The following VAX2 variants were observed in gnomAD, a reference collection of about 807,000 sequenced individuals.
The protein encoded by VAX2 is ventral anterior homeobox 2.
In VAX2, 8 loss-of-function variants were observed where a neutral mutation model predicts 12.5. The ratio of observed to expected loss-of-function variants is 0.64; its 90% CI spans 0.37 to 1.15. VAX2 has a LOEUF of 1.15. Ranked by LOEUF, VAX2 falls within the 50% of genes most tolerant of loss-of-function variation. VAX2 has a pLI of 0.01. For missense variants in VAX2, 476 were observed against 412.9 expected, an observed-to-expected ratio of 1.15 and a Z score of -1.32; for synonymous variants, 183 against 187.6, an observed-to-expected ratio of 0.98 and a Z score of 0.20.
At chr2:70,918,912 A>G (rs1176745098) in intron 1 of VAX2, among the ~76,000 whole-genome samples, 2 of 151,738 alleles carry the variant, frequency 1.3e-5, no homozygotes, top group African/African-American at 4.8e-5. Context: ...GACATAAAGT[A>G]AAATGATGGA....
chr2:70,933,016 C>T lies in VAX2; in HGVS notation c.685C>T (p.Leu229Phe), dbSNP rs1553414596. 1 of 1,599,236 alleles carries T rather than the reference C, an allele frequency of 6.3e-7. No homozygotes were observed. The highest frequency in any genetic ancestry group is 1.7e-5 in the Admixed American group (1 of 57,886). ...TGACCCCAGGAACTCCTCCCCACGC[C>T]TCAACCCGCTGTCCTCGGCCTCAGC... The part of the protein sequence containing the change: ...LGDPRNSSPR[L>F]NPLSSASASP... Residue 229 changes from leucine to phenylalanine, a missense_variant, in exon 3 of 3, where the codon CTC becomes TTC. Leu to Phe is a conservative substitution (Grantham distance 22, BLOSUM62 0). Coordinates refer to ENST00000234392, the MANE Select transcript of VAX2 (RefSeq NM_012476.3).
At chr2:70,921,903 G>A (rs966096507) in intron 2 of VAX2, among the ~76,000 whole-genome samples, 3 of 152,124 alleles carry the variant, frequency 2.0e-5, no homozygotes, top group African/African-American at 7.2e-5. Context: ...GACCCTTCAA[G>A]CTGGTACTAG....
intron 1 of VAX2, among the ~76,000 whole-genome samples, chr2:70,902,167 G>T (rs1287626421): frequency 6.6e-6 from 1 of 152,200 alleles, no homozygotes; most frequent in Non-Finnish European, 1.5e-5. Context: ...TGCGGCTGCT[G>T]GGTGTGGGTG....
At chr2:70,919,509 C>G (rs1679400297) in intron 1 of VAX2, among the ~76,000 whole-genome samples, 1 of 151,368 alleles carries the variant, frequency 6.6e-6, no homozygotes, top group Admixed American at 6.6e-5. Flanking sequence ...AAGTGAGACC[C>G]CATCTCATTT....
In VAX2 at chr2:70,927,281, C is replaced by T. The variant is rs376249637; in HGVS notation, c.436-5486C>T. Among the ~76,000 whole-genome samples the T allele has an allele frequency of 4.5e-4, 69 of 151,938 alleles. No homozygotes were observed. In the East Asian group the frequency reaches 9.3e-3, roughly 21 times the overall value. On this transcript the variant is annotated intron_variant, in intron 2 of 2. Transcript: ENST00000234392. ...TGAGAAGCTGGCTCAGGACTCCCCT[C>T]CTGCAGCTGGGCTGGAGGACGTTCT... is the stretch of plus-strand genomic sequence containing the variant.
At chr2:70,907,782 C>T (rs1679093478) in intron 1 of VAX2, among the ~76,000 whole-genome samples, 1 of 152,240 alleles carries the variant, frequency 6.6e-6, no homozygotes, top group Non-Finnish European at 1.5e-5. Context: ...CCACTGTTTT[C>T]AATTCTGGGC....
chr2:70,901,198 C>T (rs1678915401), intron 1 of VAX2, among the ~76,000 whole-genome samples: 1 of 152,244 alleles, frequency 6.6e-6, no homozygotes, highest in Admixed American at 6.5e-5. Context: ...TCCCGTGACC[C>T]TCAAGGCAAG....
Position 70,900,808 on chromosome 2 carries a change from G to A in VAX2, c.187G>A (p.Asp63Asn), listed in dbSNP as rs1553409655. ...SPAGSRESGA[D>N]SDGQPGPGEA... ...CGCAGGCTCCAGGGAGAGTGGAGCCGACAGCGACGGGCAGCCCGGGCCCGG... is the reference window on the plus strand; with the variant it reads ...CGCAGGCTCCAGGGAGAGTGGAGCCAACAGCGACGGGCAGCCCGGGCCCGG... Residue 63 changes from aspartate to asparagine, a missense_variant, in exon 1 of 3, where the codon GAC (aspartate) becomes AAC (asparagine). Physicochemically the swap from Asp to Asn is conservative, Grantham distance 23 (BLOSUM62 1). Transcript: ENST00000234392. 1 of 1,490,594 alleles carries A rather than the reference G, an allele frequency of 6.7e-7. No homozygotes were observed. Among genetic ancestry groups the A allele is most frequent in the Non-Finnish European group, 8.9e-7 (1 of 1,119,862 alleles). The allele number at this position is 1,490,594 out of a possible 1,614,324, so 92.3% of individuals were successfully genotyped here.
In VAX2 at chr2:70,904,256, C is replaced by T. The variant is rs1398011117; in HGVS notation, c.247+3388C>T. 6.6e-6 allele frequency among the ~76,000 whole-genome samples: 1 copy of T among 152,138 alleles called. No homozygotes were observed. Among genetic ancestry groups the T allele is most frequent in the Non-Finnish European group, 1.5e-5 (1 of 68,028 alleles). On this transcript the variant is annotated intron_variant, in intron 1 of 2. Transcript: ENST00000234392. The surrounding 1 kb of genome is among the most constrained non-coding windows in gnomAD (Gnocchi z 4.2). Reference sequence around the variant, plus strand: ...TACGCCAAAGGCAGGCAGGAAGCAACCAAAGGAACAACAGGCCGCCTGAGC... The same window carrying T: ...TACGCCAAAGGCAGGCAGGAAGCAATCAAAGGAACAACAGGCCGCCTGAGC...
At chr2:70,907,297 G>C (rs1162374139) in intron 1 of VAX2, among the ~76,000 whole-genome samples, 1 of 152,262 alleles carries the variant, frequency 6.6e-6, no homozygotes, top group Non-Finnish European at 1.5e-5. Context: ...AGGCTGGAGC[G>C]GAGGTCTTGG....
Position 70,904,764 on chromosome 2 carries a change from G to C in VAX2, c.247+3896G>C, listed in dbSNP as rs1034532410. On this transcript the variant is annotated intron_variant, in intron 1 of 2. Coordinates refer to ENST00000234392, the MANE Select transcript of VAX2 (RefSeq NM_012476.3). The surrounding 1 kb of genome is among the most constrained non-coding windows in gnomAD (Gnocchi z 4.2). Reference sequence around the variant, plus strand: ...GGATGGCTGGGGGCTGAGGGGACGCGTGAAGCCCAGGCCTCTTGCTTGGGC... The same window carrying C: ...GGATGGCTGGGGGCTGAGGGGACGCCTGAAGCCCAGGCCTCTTGCTTGGGC... Among the ~76,000 whole-genome samples the C allele has an allele frequency of 1.3e-5, 2 of 152,250 alleles. No individual in the cohort carries two copies. Among genetic ancestry groups the C allele is most frequent in the African/African-American group, 4.8e-5 (2 of 41,474 alleles).
rs1043137899 is a variant in VAX2 at position 70,904,050 on chromosome 2, A to G, written c.247+3182A>G. Among the ~76,000 whole-genome samples, 1 of 152,212 alleles carries G rather than the reference A, an allele frequency of 6.6e-6. No homozygotes were observed. The highest frequency in any genetic ancestry group is 1.5e-5 in the Non-Finnish European group (1 of 68,042). On this transcript the variant is annotated intron_variant, in intron 1 of 2. Transcript: ENST00000234392. The surrounding 1 kb of genome is among the most constrained non-coding windows in gnomAD (Gnocchi z 4.2). ...TACATGTCACACATGGGCACGGACC[A>G]GAGCTGCTGAGATGATAGGCCGGGC...
At chr2:70,924,432 G>C (rs964208393) in intron 2 of VAX2, 32 of 152,230 alleles carry the variant, frequency 2.1e-4, no homozygotes, top group African/African-American at 7.7e-4. Flanking sequence ...CTGGTCTCAA[G>C]TAATCCTCCC....
chr2:70,933,413 T>A lies in VAX2; in HGVS notation c.*209T>A. On this transcript the variant is annotated 3_prime_UTR_variant, in exon 3 of 3. Transcript: ENST00000234392. ...CAGTGTGAGTGTGTGTGTCTCTCAC[T>A]GAAATAAAAGGAAAACAATGACAAG... is the stretch of plus-strand genomic sequence containing the variant. 1 of 415,062 alleles carries A rather than the reference T, an allele frequency of 2.4e-6. No individual in the cohort carries two copies. The highest frequency in any genetic ancestry group is 4.2e-6 in the Non-Finnish European group (1 of 240,122). 25.7% of individuals were successfully genotyped at this position (415,062 alleles called of 1,614,324 possible).
intron 1 of VAX2, among the ~76,000 whole-genome samples, chr2:70,907,267 G>A (rs1382128494): frequency 1.3e-5 from 2 of 152,244 alleles, no homozygotes; most frequent in African/African-American, 4.8e-5. Context: ...TCATATATGT[G>A]GCGGCTTAGA....
intron 2 of VAX2, among the ~76,000 whole-genome samples, chr2:70,932,107 A>G (rs1558664111): frequency 6.6e-6 from 1 of 152,190 alleles, no homozygotes; most frequent in Non-Finnish European, 1.5e-5. Context: ...GCTGCTGTAG[A>G]GACAATGCCA....
chr2:70,927,723 C>T (rs781967727), intron 2 of VAX2, among the ~76,000 whole-genome samples: 3 of 152,016 alleles, frequency 2.0e-5, no homozygotes, highest in Admixed American at 6.6e-5. Flanking sequence ...TCTCCTGGTG[C>T]GCGGCCATGG....
intron 1 of VAX2, among the ~76,000 whole-genome samples, chr2:70,916,075 A>G (rs1553411894): frequency 1.3e-5 from 2 of 152,228 alleles, no homozygotes; most frequent in East Asian, 1.9e-4. Flanking sequence ...ACAATTTTAA[A>G]TCATCTTACA....
intron 1 of VAX2, among the ~76,000 whole-genome samples, chr2:70,906,076 C>T (rs1438665188): frequency 6.6e-6 from 1 of 152,216 alleles, no homozygotes; most frequent in African/African-American, 2.4e-5. Flanking sequence ...CCTTGGAGAG[C>T]CAGTAGCCGG....
Sources: gnomAD v4.1 joint callset for allele counts (sites outside exome capture counted in the v4.1 genomes callset) on GRCh38, gnomAD v4.1.1 for gene constraint, Gnocchi (gnomAD v3.1) non-coding constraint, MANE v1.5 for transcripts, NCBI Gene and HGNC (gene_info 2026-07-23, HGNC 2026-07-21) for gene names.